Variants in AK5 observed in about 807,000 individuals in gnomAD.
AK5 encodes the protein adenylate kinase 5, also known as adenylate kinase isoenzyme 5.
A neutral mutation model predicts 69.5 loss-of-function variants in AK5; 27 were observed. The observed-to-expected ratio is 0.39, with a 90% CI of 0.29 to 0.54. The LOEUF is 0.54. Among genes scored for constraint, AK5 ranks in the 20% least tolerant of loss-of-function variants. The pLI is 0.71. For synonymous variants in AK5, 260 were observed against 244.4 expected, an observed-to-expected ratio of 1.06 and a Z score of -0.60; for missense variants, 531 against 700.4, an observed-to-expected ratio of 0.76 and a Z score of 2.73.
intron 5 of AK5, among the ~76,000 whole-genome samples, chr1:77,339,192 TTAA>T (rs1254389408): frequency 6.6e-6 from 1 of 152,234 alleles, no homozygotes; most frequent in Non-Finnish European, 1.5e-5. Flanking sequence ...AATTTGTAAA[TTAA>T]TAAGTAATTG....
intron 10 of AK5, among the ~76,000 whole-genome samples, chr1:77,505,879 GA>G (rs1166506084): frequency 6.6e-6 from 1 of 152,016 alleles, no homozygotes; most frequent in Non-Finnish European, 1.5e-5. Context: ...AACAGAGCAA[GA>G]CTCCATCTCA....
chr1:77,359,619 T>C (rs911919580), intron 6 of AK5, among the ~76,000 whole-genome samples: 2 of 152,020 alleles, frequency 1.3e-5, no homozygotes, highest in African/African-American at 4.8e-5. Context: ...CTGAAATAAA[T>C]GAGGAATGGG....
chr1:77,366,899 T>C (rs1646958689), intron 6 of AK5, among the ~76,000 whole-genome samples: 1 of 92,648 alleles, frequency 1.1e-5, no homozygotes, highest in South Asian at 4.1e-4. Context: ...GACTTAGTAT[T>C]TTTTCCATCT....
At chr1:77,429,395 G>A (rs577669856) in intron 8 of AK5, among the ~76,000 whole-genome samples, 6 of 152,258 alleles carry the variant, frequency 3.9e-5, no homozygotes, top group East Asian at 1.9e-4. Context: ...CTGCATAAAT[G>A]TCTTCTTTTG....
At chr1:77,403,814 C>T (rs973373596) in intron 6 of AK5, among the ~76,000 whole-genome samples, 4 of 152,076 alleles carry the variant, frequency 2.6e-5, no homozygotes, top group South Asian at 2.1e-4. Flanking sequence ...TTTAAAGTAG[C>T]TTTTTCCAAT....
chr1:77,348,145 G>A (rs182971789), intron 6 of AK5, among the ~76,000 whole-genome samples: 6 of 151,008 alleles, frequency 4.0e-5, no homozygotes, highest in African/African-American at 1.4e-4. Context: ...TATTATTACC[G>A]ACACTCATAA....
chr1:77,464,174 A>C (rs147991912), intron 8 of AK5, among the ~76,000 whole-genome samples: 4 of 152,294 alleles, frequency 2.6e-5, no homozygotes, highest in African/African-American at 9.6e-5. Context: ...ATGGTAAGAC[A>C]GTTTTAATGG....
chr1:77,425,769 T>A (rs931261193), intron 8 of AK5, among the ~76,000 whole-genome samples: 1 of 152,208 alleles, frequency 6.6e-6, no homozygotes, highest in Non-Finnish European at 1.5e-5. Flanking sequence ...TATATACTTA[T>A]GATTCTGTAT....
rs570813384 is a variant in AK5 at position 77,339,347 on chromosome 1, A to G, written c.700-1030A>G. ...TGCATTCACTTCATATAGTCGTGCT[A>G]TGTTTTAAATGCAATGCTAGTTCTA... is the stretch of plus-strand genomic sequence containing the variant. On this transcript the variant is annotated intron_variant, in intron 5 of 13. Coordinates refer to ENST00000354567, the MANE Select transcript of AK5 (RefSeq NM_174858.3). Among the ~76,000 whole-genome samples the G allele has an allele frequency of 6.4e-4, 97 of 152,358 alleles. 1 individual carries two copies. The highest frequency in any genetic ancestry group is 2.2e-3 in the African/African-American group (93 of 41,594).
chr1:77,288,089 C>T (rs1004924893), intron 2 of AK5, among the ~76,000 whole-genome samples: 2 of 152,186 alleles, frequency 1.3e-5, no homozygotes, highest in Non-Finnish European at 2.9e-5. Context: ...ACACATTAAT[C>T]TAATCTAGGC....
rs754450560 is a variant in AK5, at chr1:77,486,302, T to C, written c.1103-6T>C. 5 of 1,562,656 alleles carry C rather than the reference T, an allele frequency of 3.2e-6. No individual in the cohort carries two copies. Among genetic ancestry groups the C allele is most frequent in the Non-Finnish European group, 4.4e-6 (5 of 1,136,438 alleles). On this transcript the variant is annotated splice_polypyrimidine_tract_variant and splice_region_variant and intron_variant, in intron 9 of 13. Transcript: ENST00000354567. The stretch of plus-strand genomic sequence containing the variant: ...GCCAATAACTTAAGTTATTCTTATT[T>C]TAAAGGTTTCATGGAAGATTTGAGA...
intron 5 of AK5, among the ~76,000 whole-genome samples, chr1:77,302,012 G>A (rs1659367887): frequency 6.6e-6 from 1 of 151,780 alleles, no homozygotes; most frequent in Admixed American, 6.6e-5. Context: ...GGAGTGCAGG[G>A]GCACCACTGT....
At chr1:77,362,399 A>G (rs1425465394) in intron 6 of AK5, among the ~76,000 whole-genome samples, 1 of 152,180 alleles carries the variant, frequency 6.6e-6, no homozygotes, top group Non-Finnish European at 1.5e-5. Flanking sequence ...TATCTGTCCA[A>G]GCATATATTA....
intron 8 of AK5, among the ~76,000 whole-genome samples, chr1:77,449,436 T>C (rs1652998923): frequency 6.6e-6 from 1 of 152,230 alleles, no homozygotes; most frequent in African/African-American, 2.4e-5. Flanking sequence ...ATGGCTGTAT[T>C]CACCTAGTGC....
chr1:77,536,287 C>A (rs1374309845), intron 13 of AK5, among the ~76,000 whole-genome samples: 2 of 152,044 alleles, frequency 1.3e-5, no homozygotes, highest in Non-Finnish European at 2.9e-5. Flanking sequence ...ATAGTGAGAC[C>A]CCTGCCTCTG....
chr1:77,473,615 C>T (rs934304148), intron 8 of AK5, among the ~76,000 whole-genome samples: 1 of 152,144 alleles, frequency 6.6e-6, no homozygotes, highest in African/African-American at 2.4e-5. Context: ...CTGATTGTAT[C>T]TTCTCTATCA....
intron 12 of AK5, chr1:77,531,990 C>CCGGCCGG (rs1245460023): frequency 3.4e-5 from 1 of 29,814 alleles, no homozygotes; most frequent in Non-Finnish European, 2.1e-4. Flanking sequence ...CTGCGGCCAT[C>CCGGCCGG]CGGCCGGCCG....
At chr1:77,317,336 C>G (rs1371424001) in intron 5 of AK5, among the ~76,000 whole-genome samples, 1 of 152,142 alleles carries the variant, frequency 6.6e-6, no homozygotes, top group Non-Finnish European at 1.5e-5. Flanking sequence ...CTTCAGGAGT[C>G]ATACAGTGTC....
intron 8 of AK5, among the ~76,000 whole-genome samples, chr1:77,422,683 C>T (rs1443499523): frequency 6.6e-6 from 1 of 152,118 alleles, no homozygotes; most frequent in East Asian, 1.9e-4. Context: ...CTCAGGGGGC[C>T]CGTGATACTC....
Sources: allele counts gnomAD v4.1 joint callset (sites outside exome capture counted in the v4.1 genomes callset), GRCh38; gene constraint gnomAD v4.1.1; transcripts MANE v1.5; gene names NCBI Gene and HGNC (gene_info 2026-07-23, HGNC 2026-07-21).